Variants in PIGG observed in about 807,000 individuals in gnomAD.
PIGG encodes the protein phosphatidylinositol glycan anchor biosynthesis class G (EMM blood group).
PIGG carries 70 observed loss-of-function variants against 83.2 expected under a neutral mutation model. The ratio of observed to expected loss-of-function variants is 0.84; its 90% CI spans 0.69 to 1.03. The LOEUF (loss-of-function observed/expected upper bound fraction) is 1.03, where lower values mean the gene tolerates loss of function less well. Among genes scored for constraint, PIGG ranks in the 50% least tolerant of loss-of-function variants. The pLI, the probability that PIGG is intolerant of heterozygous loss-of-function variation, is 0.00. For synonymous variants in PIGG, 532 were observed against 519.5 expected (o/e 1.02, Z -0.33); for missense variants, 1,257 against 1,233.6 (o/e 1.02, Z -0.28).
At chr4:537,835 G>A (rs1731041513) in intron 12 of PIGG, among the ~76,000 whole-genome samples, 1 of 152,224 alleles carries the variant, frequency 6.6e-6, no homozygotes, top group Non-Finnish European at 1.5e-5. Flanking sequence ...GGAGGGGCCA[G>A]AGACAGCCCC....
chr4:527,184 G>A lies in PIGG; in HGVS notation c.2215G>A (p.Gly739Arg), dbSNP rs201269761. The A allele has an allele frequency of 6.0e-4, 971 of 1,611,902 alleles. 2 individuals are homozygous for A. The highest frequency in any genetic ancestry group is 3.9e-4 in the Non-Finnish European group (462 of 1,179,102). ...LGVYCYRAAIGSVRFPWRPDS... is the reference protein window; with the variant it reads ...LGVYCYRAAIRSVRFPWRPDS... The stretch of plus-strand genomic sequence containing the variant: ...CGTCTACTGCTACCGGGCGGCCATC[G>A]GGAGTGTCCGGTTCCCGTGGCGGCC... The change falls in exon 10 of 13, where the codon GGG (glycine) becomes AGG (arginine). Residue 739 changes from glycine to arginine, a missense_variant. Gly to Arg is a moderately radical substitution (Grantham distance 125). Coordinates refer to ENST00000453061, the MANE Select transcript of PIGG (RefSeq NM_001127178.3).
Position 528,432 on chromosome 4 carries a change from G to C in PIGG, c.2261+1202G>C. The C allele has an allele frequency of 1.0e-6, 1 of 985,392 alleles. No individual in the cohort carries two copies. Among genetic ancestry groups the C allele is most frequent in the Non-Finnish European group, 1.2e-6 (1 of 829,910 alleles). 61.0% of individuals were successfully genotyped at this position (985,392 alleles called of 1,614,324 possible). The stretch of plus-strand genomic sequence containing the variant: ...GTGGCCAGCCTGAGGGGTGGCCGTG[G>C]GGCTCCGGGGGCACCCCTGGAAGTA... On this transcript the variant is annotated intron_variant, in intron 10 of 12. Coordinates refer to ENST00000453061, the MANE Select transcript of PIGG (RefSeq NM_001127178.3). This position sits in a 1 kb window ranked among gnomAD's most constrained non-coding sequence, Gnocchi z 4.8.
chr4:501,501 C>A, intron 2 of PIGG: 1 of 188,258 alleles, frequency 5.3e-6, no homozygotes, highest in South Asian at 9.0e-5. Context: ...GTGAGCGTGG[C>A]ATAAAGTCTC....
At position 539,355 on chromosome 4, in the gene PIGG, C is replaced by G. The variant is rs749736303; in HGVS notation, c.2938C>G (p.Leu980Val). ...CTTCACGGCAATGGATCAAACCAGA[C>G]TCACACAGTCTTAGACTAAGCTGAA... ...VFFTAMDQTRLTQS is the reference protein window; with the variant it reads ...VFFTAMDQTRVTQS Residue 980 changes from leucine (L) to valine (V), a missense_variant, in exon 13 of 13, where the codon CTC (leucine) becomes GTC (valine). Leu to Val is a conservative substitution (Grantham distance 32). Coordinates refer to ENST00000453061, the MANE Select transcript of PIGG (RefSeq NM_001127178.3). 1 of 1,602,048 alleles carries G rather than the reference C, an allele frequency of 6.2e-7. No individual in the cohort carries two copies. Among genetic ancestry groups the G allele is most frequent in the Non-Finnish European group, 8.6e-7 (1 of 1,169,584 alleles).
intron 5 of PIGG, among the ~76,000 whole-genome samples, chr4:510,328 C>T (rs1721462365): frequency 6.6e-6 from 1 of 152,218 alleles, no homozygotes; most frequent in Non-Finnish European, 1.5e-5. Context: ...GGAGCATGTC[C>T]TTAAGGCACG....
chr4:522,378 C>G (rs1213256710), intron 8 of PIGG: 1 of 290,074 alleles, frequency 3.4e-6, no homozygotes, highest in African/African-American at 2.1e-5. Context: ...ACCACTCATC[C>G]TGCCACCCCC....
At chr4:539,077 T>G in intron 12 of PIGG, 76 bp from the exon 13 acceptor site, 2 of 966,254 alleles carry the variant, frequency 2.1e-6, no homozygotes, top group East Asian at 4.8e-5. Context: ...TGGAGTCTTT[T>G]TGAAAATAAA....
intron 2 of PIGG, among the ~76,000 whole-genome samples, chr4:502,745 C>T (rs782806477): frequency 1.3e-5 from 2 of 151,914 alleles, no homozygotes; most frequent in African/African-American, 4.8e-5. Context: ...TTAAAAATAT[C>T]GGTGGGAACC....
rs149421281 is a variant in PIGG at position 511,123 on chromosome 4, G to A, written c.901+2153G>A. ...AGCCTGACCAACATGGAGAAACCCCGTCTCTACTAAAAATACAAAATTGGC... is the reference window on the plus strand; with the variant it reads ...AGCCTGACCAACATGGAGAAACCCCATCTCTACTAAAAATACAAAATTGGC... On this transcript the variant is annotated intron_variant, in intron 5 of 12. Transcript: ENST00000453061. Among the ~76,000 whole-genome samples the A allele has an allele frequency of 9.8e-3, 1,494 of 151,938 alleles. 20 individuals are homozygous for A. Among genetic ancestry groups the A allele is most frequent in the African/African-American group, 0.033 (1,351 of 41,426 alleles).
chr4:508,754 C>A, intron 4 of PIGG, 75 bp from the exon 5 acceptor site: 3 of 1,414,254 alleles, frequency 2.1e-6, no homozygotes, highest in East Asian at 2.3e-5. Flanking sequence ...AAGCTAAAAC[C>A]GAAAATTGTC....
At chr4:539,091 G>A in intron 12 of PIGG, 62 bp from the exon 13 acceptor site, 1 of 1,063,318 alleles carries the variant, frequency 9.4e-7, no homozygotes, top group East Asian at 2.4e-5. Context: ...AAATAAAAGT[G>A]TTGTTACATG....
chr4:512,556 T>TA (rs1553884240), intron 5 of PIGG, among the ~76,000 whole-genome samples: 1 of 152,036 alleles, frequency 6.6e-6, no homozygotes, highest in Non-Finnish European at 1.5e-5. Context: ...CGGTGGCTCA[T>TA]TTGTAATCCC....
At chr4:519,087 C>T in intron 6 of PIGG, among the ~76,000 whole-genome samples, 1 of 152,216 alleles carries the variant, frequency 6.6e-6, no homozygotes, top group East Asian at 1.9e-4. Flanking sequence ...GTCCAGCGCC[C>T]ACTCCCAATC....
chr4:508,768 T>C, intron 4 of PIGG, 61 bp from the exon 5 acceptor site: 1 of 1,515,544 alleles, frequency 6.6e-7, no homozygotes, highest in Non-Finnish European at 9.1e-7. Flanking sequence ...AATTGTCTTC[T>C]TAAGATGATG....
chr4:525,518 T>C (rs547314042), intron 9 of PIGG: 3 of 205,258 alleles, frequency 1.5e-5, no homozygotes, highest in South Asian at 3.4e-4. Flanking sequence ...AATGACAGGG[T>C]GTGACTTCAT....
Position 527,054 on chromosome 4 carries a change from C to T in PIGG, c.2085C>T (p.Ala695=), listed in dbSNP as rs150774662. The change falls in exon 10 of 13, where the codon GCC becomes GCT. Residue 695 remains alanine, a synonymous_variant. Coordinates refer to ENST00000453061, the MANE Select transcript of PIGG (RefSeq NM_001127178.3). ...GHWLTSSDHK[A]ELSVLAALSL... ...CTCATTTCAGCTCTGACCACAAAGCCGAGCTCTCTGTCCTGGCTGCCCTCT... is the reference window on the plus strand; with the variant it reads ...CTCATTTCAGCTCTGACCACAAAGCTGAGCTCTCTGTCCTGGCTGCCCTCT... 370 of 1,614,076 alleles carry T rather than the reference C, an allele frequency of 2.3e-4. 2 individuals are homozygous for T. The African/African-American group carries it at 3.4e-3, about 15-fold the overall frequency.
chr4:505,222 T>A (rs1210923668), intron 2 of PIGG, among the ~76,000 whole-genome samples: 2 of 152,052 alleles, frequency 1.3e-5, no homozygotes, highest in African/African-American at 4.8e-5. Flanking sequence ...TAACCTCTTG[T>A]CAGCTGGAAA....
chr4:519,147 C>T (rs947446062), intron 6 of PIGG, among the ~76,000 whole-genome samples: 2 of 152,242 alleles, frequency 1.3e-5, no homozygotes, highest in Admixed American at 1.3e-4. Context: ...ATACCCTCTA[C>T]TTTTCCTTCC....
chr4:523,580 ACTTC>A lies in PIGG; in HGVS notation c.1740_1743del (p.Phe580LeufsTer2), dbSNP rs1726676630. 1 of 1,613,972 alleles carries A rather than the reference ACTTC, an allele frequency of 6.2e-7. No individual in the cohort carries two copies. Among genetic ancestry groups the A allele is most frequent in the South Asian group, 1.1e-5 (1 of 91,088 alleles). On this transcript the variant is annotated frameshift_variant, in exon 9 of 13. Transcript: ENST00000453061. LOFTEE classifies it high-confidence loss of function. The stretch of plus-strand genomic sequence containing the variant: ...GTGGAGGAGGAGCACCAGACCTGGT[ACTTC>A]CTTGTGAACACCCTGTGTCTAGCTC...
Sources: gnomAD v4.1 joint callset for allele counts (sites outside exome capture counted in the v4.1 genomes callset) on GRCh38, gnomAD v4.1.1 for gene constraint, Gnocchi (gnomAD v3.1) non-coding constraint, MANE v1.5 for transcripts, NCBI Gene and HGNC (gene_info 2026-07-23, HGNC 2026-07-21) for gene names.